UGGT1: variants seen among roughly 807,000 people sequenced by gnomAD.
The protein encoded by UGGT1 is UDP-glucose:glycoprotein glucosyltransferase 1.
UGGT1 carries 107 observed loss-of-function variants against 203.9 expected under a neutral mutation model. That is an observed-to-expected ratio of 0.52 (90% CI 0.45 to 0.62). UGGT1 has a LOEUF of 0.62. UGGT1 is among the 20% of genes least tolerant of loss of function. The pLI is 0.00. For synonymous variants in UGGT1, 628 were observed against 653.5 expected (o/e 0.96, Z 0.59); for missense variants, 1,673 against 1,867.2 (o/e 0.90, Z 1.92).
intron 15 of UGGT1, among the ~76,000 whole-genome samples, chr2:128,136,618 A>G (rs1310391062): frequency 1.3e-5 from 2 of 152,240 alleles, no homozygotes; most frequent in African/African-American, 4.8e-5. Flanking sequence ...CTTAATTGAA[A>G]GATACCTTGG....
At chr2:128,156,771 T>C (rs1690253796) in intron 21 of UGGT1, among the ~76,000 whole-genome samples, 1 of 152,138 alleles carries the variant, frequency 6.6e-6, no homozygotes, top group Non-Finnish European at 1.5e-5. Context: ...GGTTTTACCA[T>C]TTTGGCCAGG....
chr2:128,097,051 T>C (rs10803593), intron 1 of UGGT1, among the ~76,000 whole-genome samples: 88,012 of 152,094 alleles, frequency 0.58, 25,687 homozygotes, highest in East Asian at 0.66. Context: ...ATTAGGATTG[T>C]TATTTTGTGT....
At chr2:128,115,534 C>T (rs1688063383) in intron 7 of UGGT1, among the ~76,000 whole-genome samples, 1 of 146,414 alleles carries the variant, frequency 6.8e-6, no homozygotes, top group Non-Finnish European at 1.5e-5. Flanking sequence ...GAACCTGGCA[C>T]AGTGGTTTGC....
At chr2:128,171,691 A>G (rs1339507436) in intron 28 of UGGT1, among the ~76,000 whole-genome samples, 1 of 152,050 alleles carries the variant, frequency 6.6e-6, no homozygotes, top group Non-Finnish European at 1.5e-5. Flanking sequence ...TATTTTTAGT[A>G]GAGACGGGGT....
chr2:128,166,312 C>T (rs1311566554), intron 26 of UGGT1, among the ~76,000 whole-genome samples: 1 of 152,172 alleles, frequency 6.6e-6, no homozygotes, highest in African/African-American at 2.4e-5. Context: ...TGTTTGCATA[C>T]ACACGGTCAT....
At chr2:128,179,061 C>T (rs572986319) in intron 34 of UGGT1, among the ~76,000 whole-genome samples, 16 of 152,216 alleles carry the variant, frequency 1.1e-4, no homozygotes, top group African/African-American at 2.9e-4. Context: ...GAAGAGGCCA[C>T]GGGCTAGGGC....
intron 9 of UGGT1, 22 bp downstream of exon 9, chr2:128,120,478 C>A (rs763382463): frequency 1.9e-6 from 3 of 1,589,854 alleles, no homozygotes; most frequent in South Asian, 2.2e-5. Flanking sequence ...AGGGAGAGGT[C>A]ATTGGCCTAC....
At chr2:128,184,870 C>T (rs1441417501) in intron 38 of UGGT1, among the ~76,000 whole-genome samples, 1 of 152,064 alleles carries the variant, frequency 6.6e-6, no homozygotes, top group Admixed American at 6.5e-5. Flanking sequence ...TCAGTAGAGA[C>T]AGGGTTTCAC....
chr2:128,156,555 ATTTTTT>A, intron 21 of UGGT1, 140 bp downstream of exon 21: 7 of 404,732 alleles, frequency 1.7e-5, no homozygotes, highest in Non-Finnish European at 3.0e-5. Context: ...AATGTAGATA[ATTTTTT>A]TTTTTTTTTT....
intron 19 of UGGT1, among the ~76,000 whole-genome samples, chr2:128,154,058 T>C (rs1001650897): frequency 2.4e-4 from 21 of 86,908 alleles, no homozygotes; most frequent in African/African-American, 7.6e-4. Context: ...TACATGTATA[T>C]ATACACACAC....
chr2:128,134,671 C>T (rs532168412), intron 14 of UGGT1, among the ~76,000 whole-genome samples: 12 of 152,282 alleles, frequency 7.9e-5, no homozygotes, highest in African/African-American at 2.6e-4. Context: ...CAGCGTAAGT[C>T]CATGAGAAAA....
chr2:128,195,453 CTG>C lies in UGGT1; in HGVS notation c.*5715_*5716del, dbSNP rs1357568221. 2.0e-5 allele frequency: 3 copies of C among 152,188 alleles called. No homozygotes were observed. The highest frequency in any genetic ancestry group is 1.3e-4 in the Admixed American group (2 of 15,270). 9.4% of individuals were successfully genotyped at this position (152,188 alleles called of 1,614,324 possible). ...GAAAATGTTATAATTTTTAAGGAAA[CTG>C]TGTACTTTAAAAATCTTCTTTATGA... On this transcript the variant is annotated 3_prime_UTR_variant, in exon 41 of 41. Coordinates refer to ENST00000259253, the MANE Select transcript of UGGT1 (RefSeq NM_020120.4).
At chr2:128,141,675 T>TAG (rs1165797149) in intron 16 of UGGT1, among the ~76,000 whole-genome samples, 6 of 146,266 alleles carry the variant, frequency 4.1e-5, no homozygotes, top group Non-Finnish European at 9.0e-5. Context: ...TAGCTGGGAT[T>TAG]AGACGCCTGC....
chr2:128,167,454 C>T (rs1186211669), intron 26 of UGGT1, among the ~76,000 whole-genome samples: 1 of 151,962 alleles, frequency 6.6e-6, no homozygotes, highest in Non-Finnish European at 1.5e-5. Context: ...ATATTCTTGC[C>T]CTCAAAGTGT....
At chr2:128,157,158 T>TA (rs1228615975) in intron 21 of UGGT1, 94 bp from the exon 22 acceptor site, 3 of 906,748 alleles carry the variant, frequency 3.3e-6, no homozygotes, top group African/African-American at 1.7e-5. Flanking sequence ...GCATGGTTCT[T>TA]ACAAATTATT....
chr2:128,135,896 A>G (rs889384966), intron 15 of UGGT1, among the ~76,000 whole-genome samples: 3 of 152,366 alleles, frequency 2.0e-5, no homozygotes, highest in African/African-American at 4.8e-5. Context: ...TTTTTCATAT[A>G]AAGCATGAAT....
At chr2:128,120,836 T>C (rs1688345330) in intron 9 of UGGT1, among the ~76,000 whole-genome samples, 1 of 152,260 alleles carries the variant, frequency 6.6e-6, no homozygotes, top group Non-Finnish European at 1.5e-5. Flanking sequence ...AGAACTATTT[T>C]TCAAGTTTTT....
At chr2:128,141,438 A>G (rs1018862930) in intron 16 of UGGT1, among the ~76,000 whole-genome samples, 2 of 151,994 alleles carry the variant, frequency 1.3e-5, no homozygotes, top group African/African-American at 4.8e-5. Context: ...ACCTGTCTCT[A>G]TTAAAAATTA....
At chr2:128,133,506 A>G (rs1688983762) in intron 14 of UGGT1, among the ~76,000 whole-genome samples, 2 of 152,222 alleles carry the variant, frequency 1.3e-5, no homozygotes, top group African/African-American at 2.4e-5. Context: ...TTTTAACACG[A>G]AGGTTTAGAC....
Sources: allele counts gnomAD v4.1 joint callset (sites outside exome capture counted in the v4.1 genomes callset), GRCh38; gene constraint gnomAD v4.1.1; transcripts MANE v1.5; gene names NCBI Gene and HGNC (gene_info 2026-07-23, HGNC 2026-07-21).